The following BLK variants were observed in gnomAD, a reference collection of about 807,000 sequenced individuals.
BLK encodes the protein tyrosine-protein kinase Blk.
BLK carries 64 observed loss-of-function variants against 61.8 expected under a neutral mutation model. The observed-to-expected ratio is 1.03, with a 90% CI of 0.85 to 1.27. BLK has a LOEUF of 1.27. Ranked by LOEUF, BLK falls within the 50% of genes most tolerant of loss-of-function variation. BLK has a pLI of 0.00. For synonymous variants in BLK, 351 were observed against 272.0 expected (o/e 1.29, Z -2.86); for missense variants, 853 against 660.5 (o/e 1.29, Z -3.19).
intron 1 of BLK, among the ~76,000 whole-genome samples, chr8:11,497,447 C>G (rs1798401071): frequency 6.6e-6 from 1 of 152,166 alleles, no homozygotes; most frequent in African/African-American, 2.4e-5. Context: ...GTCACAGTGC[C>G]CAAGCCCATT....
chr8:11,517,945 C>T (rs962848068), intron 1 of BLK, among the ~76,000 whole-genome samples: 1 of 152,204 alleles, frequency 6.6e-6, no homozygotes, highest in Non-Finnish European at 1.5e-5. Context: ...CCTGTGCCCA[C>T]TGAGGGAGGG....
chr8:11,517,477 T>C (rs1277680268), intron 1 of BLK, among the ~76,000 whole-genome samples: 7 of 152,186 alleles, frequency 4.6e-5, no homozygotes, highest in Non-Finnish European at 1.0e-4. Flanking sequence ...CCCTGGCCCC[T>C]TTTTGGCTTG....
chr8:11,516,064 T>C (rs907534032), intron 1 of BLK, among the ~76,000 whole-genome samples: 1 of 152,146 alleles, frequency 6.6e-6, no homozygotes, highest in Non-Finnish European at 1.5e-5. Context: ...GTACATTCCA[T>C]GGAATACCAC....
intron 1 of BLK, among the ~76,000 whole-genome samples, chr8:11,519,311 C>G (rs1248443766): frequency 6.6e-6 from 1 of 152,196 alleles, no homozygotes; most frequent in Non-Finnish European, 1.5e-5. Flanking sequence ...CGTTTCTGGA[C>G]AGCAATTTGG....
At chr8:11,508,205 A>T (rs2117273493) in intron 1 of BLK, among the ~76,000 whole-genome samples, 1 of 152,342 alleles carries the variant, frequency 6.6e-6, no homozygotes, top group East Asian at 1.9e-4. Context: ...CGCCTCTGCC[A>T]CTACTGTAAG....
At chr8:11,517,859 C>T (rs1799288510) in intron 1 of BLK, among the ~76,000 whole-genome samples, 1 of 152,202 alleles carries the variant, frequency 6.6e-6, no homozygotes, top group African/African-American at 2.4e-5. Flanking sequence ...AGTCAAGGGT[C>T]ACCTTTCAGA....
chr8:11,528,016 G>C (rs1417976165), intron 1 of BLK, among the ~76,000 whole-genome samples: 1 of 152,100 alleles, frequency 6.6e-6, no homozygotes, highest in Non-Finnish European at 1.5e-5. Context: ...GAGGGGGTTA[G>C]TTTTGGGGAG....
intron 1 of BLK, among the ~76,000 whole-genome samples, chr8:11,529,562 G>A (rs1266296075): frequency 2.0e-5 from 3 of 152,142 alleles, no homozygotes; most frequent in Non-Finnish European, 4.4e-5. Flanking sequence ...TGGGAGATCA[G>A]AATCTTGTAG....
intron 1 of BLK, among the ~76,000 whole-genome samples, chr8:11,530,659 T>C (rs1413674753): frequency 1.1e-5 from 1 of 90,594 alleles, no homozygotes; most frequent in African/African-American, 3.5e-5. Flanking sequence ...TTTTGCTCAA[T>C]TGTTAAAAGT....
At chr8:11,506,514 A>G (rs1279301690) in intron 1 of BLK, among the ~76,000 whole-genome samples, 1 of 152,126 alleles carries the variant, frequency 6.6e-6, no homozygotes, top group African/African-American at 2.4e-5. Context: ...GGATTTACGT[A>G]TGTTGAGTGT....
chr8:11,517,962 G>T (rs1432744542), intron 1 of BLK, among the ~76,000 whole-genome samples: 2 of 152,216 alleles, frequency 1.3e-5, no homozygotes, highest in Non-Finnish European at 2.9e-5. Flanking sequence ...AGGGAAGGGG[G>T]CTTCTAGAGG....
chr8:11,563,067 C>T lies in BLK; in HGVS notation c.1269C>T (p.Val423=). 1.2e-6 allele frequency: 2 copies of T among 1,613,952 alleles called. No homozygotes were observed. The highest frequency in any genetic ancestry group is 1.7e-6 in the Non-Finnish European group (2 of 1,180,036). ...TIKADVWSFG[V]LLMEVVTYGR... ...AAGCAGACGTGTGGTCGTTTGGAGTCCTCCTGATGGAAGTTGTCACTTATG... is the reference window on the plus strand; with the variant it reads ...AAGCAGACGTGTGGTCGTTTGGAGTTCTCCTGATGGAAGTTGTCACTTATG... The change falls in exon 12 of 13, where the codon GTC becomes GTT. Residue 423 remains valine, a synonymous_variant. Transcript: ENST00000259089.
chr8:11,531,153 T>A lies in BLK; in HGVS notation c.-1-12071T>A, dbSNP rs550711800. Reference sequence around the variant, plus strand: ...TGCTCAGCTGTCTTCTCTGTTCAACTGTTTGTTAAATTGAATTTTTGGCTT... The same window carrying A: ...TGCTCAGCTGTCTTCTCTGTTCAACAGTTTGTTAAATTGAATTTTTGGCTT... On this transcript the variant is annotated intron_variant, in intron 1 of 12. Transcript: ENST00000259089. Among the ~76,000 whole-genome samples, 97 of 152,372 alleles carry A rather than the reference T, an allele frequency of 6.4e-4. 3 individuals are homozygous for A. The South Asian group carries it at 0.019, about 30-fold the overall frequency.
In BLK at chr8:11,550,211, C is replaced by G; in HGVS notation, c.421C>G (p.Pro141Ala). 1 of 1,614,124 alleles carries G rather than the reference C, an allele frequency of 6.2e-7. No homozygotes were observed. The highest frequency in any genetic ancestry group is 8.5e-7 in the Non-Finnish European group (1 of 1,180,022). The part of the protein sequence containing the change: ...RKEAERQLLA[P>A]INKAGSFLIR... Reference sequence around the variant, plus strand: ...GGAGGCTGAGAGGCAGCTTCTTGCTCCAATCAACAAGGCCGGCTCCTTTCT... The same window carrying G: ...GGAGGCTGAGAGGCAGCTTCTTGCTGCAATCAACAAGGCCGGCTCCTTTCT... Residue 141 changes from proline (P) to alanine (A), a missense_variant, in exon 6 of 13, where the codon CCA (proline) becomes GCA (alanine). By Grantham distance (27) the Pro-to-Ala change is conservative. Transcript: ENST00000259089.
chr8:11,500,032 G>C (rs1413801496), intron 1 of BLK, among the ~76,000 whole-genome samples: 1 of 152,174 alleles, frequency 6.6e-6, no homozygotes, highest in Non-Finnish European at 1.5e-5. Flanking sequence ...GATATACAGT[G>C]AGGGTGCTCA....
intron 1 of BLK, among the ~76,000 whole-genome samples, chr8:11,517,440 G>T (rs551155960): frequency 4.6e-5 from 7 of 152,268 alleles, no homozygotes; most frequent in Admixed American, 1.3e-4. Context: ...ATTGTCAGCT[G>T]GTCCTCTGAC....
chr8:11,497,261 C>T (rs1169161034), intron 1 of BLK, among the ~76,000 whole-genome samples: 1 of 152,168 alleles, frequency 6.6e-6, no homozygotes, highest in Non-Finnish European at 1.5e-5. Context: ...GCCTGCAGTG[C>T]CTTTCCTGTC....
At chr8:11,535,765 A>G (rs920878254) in intron 1 of BLK, among the ~76,000 whole-genome samples, 1 of 152,242 alleles carries the variant, frequency 6.6e-6, no homozygotes, top group African/African-American at 2.4e-5. Flanking sequence ...CATGGAGCAC[A>G]GATCACCTCC....
At chr8:11,558,550 C>T (rs374431633) in intron 10 of BLK, 118 of 428,652 alleles carry the variant, frequency 2.8e-4, no homozygotes, top group African/African-American at 2.0e-3. Context: ...GACATGACTT[C>T]TCTGAGCCCT....
Sources: allele counts gnomAD v4.1 joint callset (sites outside exome capture counted in the v4.1 genomes callset), GRCh38; gene constraint gnomAD v4.1.1; transcripts MANE v1.5; gene names NCBI Gene and HGNC (gene_info 2026-07-23, HGNC 2026-07-21).